Variants in ADCY7 observed in about 807,000 individuals in gnomAD.
ADCY7 encodes the protein adenylate cyclase type 7.
Under a neutral mutation model 120.6 loss-of-function variants are expected in ADCY7, and 72 were observed. That is an observed-to-expected ratio of 0.60 (90% CI 0.49 to 0.73). The LOEUF is 0.73. Ranked by LOEUF, ADCY7 falls within the 30% of genes least tolerant of loss-of-function variation. ADCY7 has a pLI of 0.00. For missense variants in ADCY7, 1,227 were observed against 1,486.0 expected (o/e 0.83, Z 2.87); for synonymous variants, 661 against 628.0 (o/e 1.05, Z -0.78).
At chr16:50,266,885 AG>A (rs1451498365) in intron 1 of ADCY7, among the ~76,000 whole-genome samples, 1 of 152,122 alleles carries the variant, frequency 6.6e-6, no homozygotes, top group Non-Finnish European at 1.5e-5. Context: ...AGGGGACCAG[AG>A]GCGACTTGTC....
intron 3 of ADCY7, 95 bp downstream of exon 3, chr16:50,290,755 T>A: frequency 7.3e-7 from 1 of 1,368,316 alleles, no homozygotes. Flanking sequence ...TGCCCCACGC[T>A]TGGCTGTGTG....
At chr16:50,269,559 T>C (rs1206102338) in intron 1 of ADCY7, among the ~76,000 whole-genome samples, 2 of 152,116 alleles carry the variant, frequency 1.3e-5, no homozygotes, top group Non-Finnish European at 2.9e-5. Context: ...CCTGGATGTG[T>C]GGTTGGGTCA....
rs116059889 is a variant in ADCY7, at chr16:50,308,283, G to A, written c.1851-44G>A. On this transcript the variant is annotated intron_variant, in intron 15 of 25. Transcript: ENST00000673801. ...GGATTGGTGGGGGCGGTGGTCCTGG[G>A]CAGAAGGCCCTAGGCAGAACTGAGG... 2,660 of 1,614,044 alleles carry A rather than the reference G, an allele frequency of 1.6e-3. 32 individuals carry two copies. The African/African-American group carries it at 0.029, about 18-fold the overall frequency.
At position 50,290,443 on chromosome 16, in the gene ADCY7, T is replaced by C. The variant is rs2034872243; in HGVS notation, c.172-14T>C. 6.2e-7 allele frequency: 1 copy of C among 1,613,816 alleles called. No individual in the cohort carries two copies. The highest frequency in any genetic ancestry group is 1.1e-5 in the South Asian group (1 of 91,070). ...GGGAAAGCCGAGGCATTCCTGTCTG[T>C]TTGCTCCACCCAGGACCCCTCCAGA... On this transcript the variant is annotated splice_polypyrimidine_tract_variant and intron_variant, in intron 2 of 25. Transcript: ENST00000673801.
At position 50,310,797 on chromosome 16, in the gene ADCY7, G is replaced by A. The variant is rs778487111; in HGVS notation, c.2271G>A (p.Val757=). ...CAGTGGCCCTGGTGGCCTACCTGGT[G>A]CTCTTCAACCTCTCCCCATGCTGGC... ...LLTVALVAYL[V]LFNLSPCWQW... The change falls in exon 19 of 26, where the codon GTG becomes GTA. Residue 757 remains valine (V), a synonymous_variant. Transcript: ENST00000673801. The A allele has an allele frequency of 3.4e-5, 55 of 1,614,024 alleles. No individual in the cohort carries two copies. The highest frequency in any genetic ancestry group is 4.5e-5 in the Non-Finnish European group (53 of 1,180,026).
Position 50,309,671 on chromosome 16 carries a change from T to C in ADCY7, c.2160+25T>C, listed in dbSNP as rs763821434. On this transcript the variant is annotated intron_variant, in intron 18 of 25. Transcript: ENST00000673801. ...GGTGAGTGCGCCGGGCCCGGCTCCG[T>C]GGCCTCATTCAGAGTGGGGCTGCTG... 5.0e-6 allele frequency: 8 copies of C among 1,596,498 alleles called. No individual in the cohort carries two copies. The African/African-American group carries it at 1.1e-4, about 21-fold the overall frequency.
rs1002948460 is a variant in ADCY7 at position 50,294,573 on chromosome 16, C to T, written c.837-67C>T. The T allele has an allele frequency of 1.3e-5, 14 of 1,065,240 alleles. No homozygotes were observed. The African/African-American group carries it at 1.6e-4, about 12-fold the overall frequency. The allele number at this position is 1,065,240 out of a possible 1,614,324, so 66.0% of individuals were successfully genotyped here. Reference sequence around the variant, plus strand: ...GCTCCTGGGGCTCCAGACAGTCCTGCGTGCTCCTGCTGCTGCTGTCTAGGA... The same window carrying T: ...GCTCCTGGGGCTCCAGACAGTCCTGTGTGCTCCTGCTGCTGCTGTCTAGGA... On this transcript the variant is annotated intron_variant, in intron 6 of 25. Coordinates refer to ENST00000673801, the MANE Select transcript of ADCY7 (RefSeq NM_001114.5).
intron 3 of ADCY7, among the ~76,000 whole-genome samples, chr16:50,291,253 A>G (rs1249596792): frequency 6.6e-6 from 1 of 151,782 alleles, no homozygotes; most frequent in Non-Finnish European, 1.5e-5. Context: ...GGTGAGGCCC[A>G]AGGAAACCAT....
chr16:50,267,855 G>A (rs2033317096), intron 1 of ADCY7, among the ~76,000 whole-genome samples: 1 of 152,214 alleles, frequency 6.6e-6, no homozygotes, highest in African/African-American at 2.4e-5. Flanking sequence ...TGCAGGAAGT[G>A]CAGGAGGCTG....
chr16:50,275,639 C>T lies in ADCY7; in HGVS notation c.-269+8959C>T, dbSNP rs1051942168. ...ATGGGGAAGAGGAGAATGTTGAGCT[C>T]AGCACCACCTGTGACCAGAAATGGC... On this transcript the variant is annotated intron_variant, in intron 1 of 25. Coordinates refer to ENST00000673801, the MANE Select transcript of ADCY7 (RefSeq NM_001114.5). Among the ~76,000 whole-genome samples the T allele has an allele frequency of 2.0e-5, 3 of 152,158 alleles. No individual in the cohort carries two copies. In the East Asian group the frequency reaches 5.8e-4, roughly 29 times the overall value.
At position 50,305,674 on chromosome 16, in the gene ADCY7, G is replaced by A. The variant is rs1169254496; in HGVS notation, c.1679+88G>A. The A allele has an allele frequency of 1.1e-5, 16 of 1,500,754 alleles. No individual in the cohort carries two copies. In the East Asian group the frequency reaches 2.7e-4, roughly 25 times the overall value. The allele number at this position is 1,500,754 out of a possible 1,614,324, so 93.0% of individuals were successfully genotyped here. On this transcript the variant is annotated intron_variant, in intron 13 of 25. Transcript: ENST00000673801. ...TGGGCAGGCCCATCTCATACCCCAT[G>A]CCTGGTGGCCCAGCCTTGTTCCTTC...
At chr16:50,313,768 G>C (rs1269682620) in intron 22 of ADCY7, 190 bp from the exon 23 acceptor site, 2 of 583,874 alleles carry the variant, frequency 3.4e-6, no homozygotes, top group African/African-American at 3.7e-5. Flanking sequence ...ACAACAGGAA[G>C]AGCAGGAGCC....
In ADCY7 at chr16:50,297,914, CCTT is replaced by C. The variant is rs1383519673; in HGVS notation, c.949-985_949-983del. ...GGGGAGAGCAGAGGCAGATGGCGCT[CCTT>C]CTTCAGCTCCCCTAAAGCCCCACCC... On this transcript the variant is annotated intron_variant, in intron 7 of 25. Transcript: ENST00000673801. This position sits in a 1 kb window ranked among gnomAD's most constrained non-coding sequence, Gnocchi z 4.4. Among the ~76,000 whole-genome samples, 4 of 152,068 alleles carry C rather than the reference CCTT, an allele frequency of 2.6e-5. No individual in the cohort carries two copies. Among genetic ancestry groups the C allele is most frequent in the Non-Finnish European group, 4.4e-5 (3 of 68,006 alleles).
intron 1 of ADCY7, among the ~76,000 whole-genome samples, chr16:50,280,777 C>T (rs559796095): frequency 3.9e-4 from 60 of 152,320 alleles, no homozygotes; most frequent in Non-Finnish European, 7.4e-4. Flanking sequence ...TAGGCCAGAG[C>T]TGGCCTCAGA....
intron 4 of ADCY7, among the ~76,000 whole-genome samples, chr16:50,292,408 G>A (rs1442860742): frequency 6.6e-6 from 1 of 152,264 alleles, no homozygotes; most frequent in Non-Finnish European, 1.5e-5. Context: ...ACTGCCCTTA[G>A]CACGCATGCC....
intron 21 of ADCY7, 108 bp from the exon 22 acceptor site, chr16:50,312,782 A>G: frequency 2.7e-5 from 19 of 700,688 alleles, no homozygotes; most frequent in Non-Finnish European, 3.6e-5. Flanking sequence ...CCACTCCCCG[A>G]AAGCTGGGCT....
intron 1 of ADCY7, among the ~76,000 whole-genome samples, chr16:50,272,735 G>A (rs1336961696): frequency 6.6e-6 from 1 of 152,060 alleles, no homozygotes; most frequent in Admixed American, 6.5e-5. Context: ...CTGGAGCAGG[G>A]GTCCAGGGTG....
Position 50,292,557 on chromosome 16 carries a change from C to T in ADCY7, c.538-119C>T, listed in dbSNP as rs887570158. 3.9e-6 allele frequency: 5 copies of T among 1,282,738 alleles called. No individual in the cohort carries two copies. The African/African-American group carries it at 4.4e-5, about 11-fold the overall frequency. 79.5% of individuals were successfully genotyped at this position (1,282,738 alleles called of 1,614,324 possible). ...TCTGCCCCAGGAAGAGTGCCATTCT[C>T]AGTGGGTTGAAGGTCAGGGAATGGG... On this transcript the variant is annotated intron_variant, in intron 4 of 25. Coordinates refer to ENST00000673801, the MANE Select transcript of ADCY7 (RefSeq NM_001114.5).
chr16:50,310,659 T>C (rs896729728), intron 18 of ADCY7, 28 bp from the exon 19 acceptor site: 2 of 1,610,594 alleles, frequency 1.2e-6, no homozygotes, highest in Non-Finnish European at 8.5e-7. Flanking sequence ...GGGGTGGCCC[T>C]GTCCTGAGTG....
Sources: allele counts gnomAD v4.1 joint callset (sites outside exome capture counted in the v4.1 genomes callset), GRCh38; gene constraint gnomAD v4.1.1; non-coding constraint Gnocchi (gnomAD v3.1); transcripts MANE v1.5; gene names NCBI Gene and HGNC (gene_info 2026-07-23, HGNC 2026-07-21).